Variants in USP51 observed in about 807,000 individuals in gnomAD.
The protein encoded by USP51 is ubiquitin carboxyl-terminal hydrolase 51.
In USP51, 5 loss-of-function variants were observed where a neutral mutation model predicts 17.6. The observed-to-expected ratio is 0.28, with a 90% CI of 0.15 to 0.60. The LOEUF is 0.60. USP51 is among the 20% of genes least tolerant of loss of function. USP51 has a pLI of 0.88. For synonymous variants in USP51, 248 were observed against 216.1 expected, an observed-to-expected ratio of 1.15 and a Z score of -1.29; for missense variants, 459 against 559.5, an observed-to-expected ratio of 0.82 and a Z score of 1.81.
chrX:55,488,718 C>T lies in USP51; in HGVS notation c.222G>A (p.Trp74Ter). 1 of 1,204,098 alleles carries T rather than the reference C, an allele frequency of 8.3e-7. No individual in the cohort carries two copies. The highest frequency in any genetic ancestry group is 1.1e-6 in the Non-Finnish European group (1 of 895,404). Residue 74 changes from tryptophan to a stop codon, truncating the protein, a stop_gained, in exon 3 of 3, where the codon TGG becomes TGA. Coordinates refer to ENST00000500968, the MANE Select transcript of USP51 (RefSeq NM_201286.4). LOFTEE classifies it low-confidence loss of function (END_TRUNC). ...CCTTCTCGTCGCCGCCGCTGCTGCT[C>T]CACGTCAAGTTCTCCTCCGGCGCGG... ...REPAPEENLT[W>*]SSSGGDEKVL...
Position 55,489,214 on chromosome X carries a change from G to C in USP51, c.-95C>G. ...TCATGCCAGGGGACTGGGAACAGAA[G>C]GCTAGCGAGCGGTGGGGGTGGGGAA... is the stretch of plus-strand genomic sequence containing the variant. On this transcript the variant is annotated 5_prime_UTR_variant, in exon 2 of 3. Coordinates refer to ENST00000500968, the MANE Select transcript of USP51 (RefSeq NM_201286.4). 1 of 349,652 alleles carries C rather than the reference G, an allele frequency of 2.9e-6. No individual in the cohort carries two copies. Among genetic ancestry groups the C allele is most frequent in the Non-Finnish European group, 4.9e-6 (1 of 203,002 alleles). The allele number at this position is 349,652 out of a possible 1,213,427, so 28.8% of individuals were successfully genotyped here.
chrX:55,485,723 A>G lies in USP51; in HGVS notation c.*1081T>C, dbSNP rs896649983. 2.7e-5 allele frequency: 3 copies of G among 110,906 alleles called. No homozygotes were observed. The highest frequency in any genetic ancestry group is 5.7e-5 in the Non-Finnish European group (3 of 52,800). The allele number at this position is 110,906 out of a possible 1,213,427, so 9.1% of individuals were successfully genotyped here. A position where few individuals can be genotyped will look rare whatever the true frequency, so the allele number is the denominator to read the frequency against. ...ACTGTTTTTCTTTTTAAAAGCTTAA[A>G]TTTTTAAATCTTTATTTAAATATTT... On this transcript the variant is annotated 3_prime_UTR_variant, in exon 3 of 3. Coordinates refer to ENST00000500968, the MANE Select transcript of USP51 (RefSeq NM_201286.4).
rs755945633 is a variant in USP51, at chrX:55,488,851, G to T, written c.89C>A (p.Ala30Glu). The change falls in exon 3 of 3, where the codon GCG becomes GAG. Residue 30 changes from alanine to glutamate, a missense_variant. Ala to Glu is a moderately radical substitution (Grantham distance 107). Transcript: ENST00000500968. Reference sequence around the variant, plus strand: ...CTCCATTTTCCCCGCCTTCTCAACCGCCTCCTCAGGAGAGGCTCCTCCCCC... The same window carrying T: ...CTCCATTTTCCCCGCCTTCTCAACCTCCTCCTCAGGAGAGGCTCCTCCCCC... The part of the protein sequence containing the change: ...GGGGGASPEE[A>E]VEKAGKMEEA... The T allele has an allele frequency of 1.7e-6, 2 of 1,210,433 alleles. No individual in the cohort carries two copies. Among genetic ancestry groups the T allele is most frequent in the Non-Finnish European group, 2.2e-6 (2 of 895,088 alleles).
chrX:55,484,932 G>A lies in USP51; in HGVS notation c.*1872C>T, dbSNP rs2031292370. On this transcript the variant is annotated 3_prime_UTR_variant, in exon 3 of 3. Transcript: ENST00000500968. ...AGTCAAAGAAGGAGCCCTGCAGGCT[G>A]GGGCTCAGAGATGTAGGTAAGGCCA... 8.9e-6 allele frequency: 1 copy of A among 111,844 alleles called. No individual in the cohort carries two copies. The highest frequency in any genetic ancestry group is 3.3e-5 in the African/African-American group (1 of 30,709). 9.2% of individuals were successfully genotyped at this position (111,844 alleles called of 1,213,427 possible).
intron 1 of USP51, among the ~76,000 whole-genome samples, 145 bp from the exon 2 acceptor site, chrX:55,489,510 G>A (rs1028921708): frequency 8.9e-6 from 1 of 112,364 alleles, no homozygotes; most frequent in Non-Finnish European, 1.9e-5. Flanking sequence ...CTAAGCCGTT[G>A]CCCCTCAGCG....
rs751362686 is a variant in USP51 at position 55,487,689 on chromosome X, A to C, written c.1251T>G (p.Ala417=). Residue 417 remains alanine (A), a synonymous_variant, in exon 3 of 3, where the codon GCT becomes GCG. Transcript: ENST00000500968. Reference sequence around the variant, plus strand: ...GAGGAGTTCGGCTCCCAGAGTACATAGCATGAAAAAGCGAAGACATTTCAC... The same window carrying C: ...GAGGAGTTCGGCTCCCAGAGTACATCGCATGAAAAAGCGAAGACATTTCAC... ...LVCEMSSLFH[A]MYSGSRTPHI... is the part of the protein sequence containing the mutation. 23 of 1,210,624 alleles carry C rather than the reference A, an allele frequency of 1.9e-5. No homozygotes were observed.
intron 1 of USP51, among the ~76,000 whole-genome samples, 82 bp downstream of exon 1, chrX:55,489,694 C>T (rs1370693505): frequency 3.6e-5 from 4 of 111,963 alleles, no homozygotes; most frequent in Non-Finnish European, 7.5e-5. Context: ...CCTCGCGCGA[C>T]CCCCGAAGTC....
Position 55,488,337 on chromosome X carries a change from A to G in USP51, c.603T>C (p.Phe201=). Residue 201 remains phenylalanine, a synonymous_variant, in exon 3 of 3, where the codon TTT becomes TTC. Transcript: ENST00000500968. ...GPTGCSHVES[F]KVGKNWQKNL... ...TCTTCTGCCAGTTCTTACCTACTTT[A>G]AAGCTCTCCACATGAGAGCAGCCTG... The G allele has an allele frequency of 8.3e-7, 1 of 1,211,678 alleles. No homozygotes were observed. Among genetic ancestry groups the G allele is most frequent in the Non-Finnish European group, 1.1e-6 (1 of 895,357 alleles).
chrX:55,489,209 CAG>C lies in USP51; in HGVS notation c.-92_-91del. On this transcript the variant is annotated 5_prime_UTR_variant, in exon 2 of 3. Coordinates refer to ENST00000500968, the MANE Select transcript of USP51 (RefSeq NM_201286.4). ...TCAGATCATGCCAGGGGACTGGGAA[CAG>C]AAGGCTAGCGAGCGGTGGGGGTGGG... 1 of 355,888 alleles carries C rather than the reference CAG, an allele frequency of 2.8e-6. No individual in the cohort carries two copies. 29.3% of individuals were successfully genotyped at this position (355,888 alleles called of 1,213,427 possible). A position where few individuals can be genotyped will look rare whatever the true frequency, so the allele number is the denominator to read the frequency against.
chrX:55,486,675 G>A lies in USP51; in HGVS notation c.*129C>T. 1.1e-6 allele frequency: 1 copy of A among 942,547 alleles called. No individual in the cohort carries two copies. The highest frequency in any genetic ancestry group is 4.0e-4 in the Middle Eastern group (1 of 2,487). The allele number at this position is 942,547 out of a possible 1,213,427, so 77.7% of individuals were successfully genotyped here. Reference sequence around the variant, plus strand: ...AGACCCATGGGCCATGCTAAAATAGGTTCTTTATATCAAGATACTAGCTGT... The same window carrying A: ...AGACCCATGGGCCATGCTAAAATAGATTCTTTATATCAAGATACTAGCTGT... On this transcript the variant is annotated 3_prime_UTR_variant, in exon 3 of 3. Transcript: ENST00000500968.
At position 55,487,932 on chromosome X, in the gene USP51, A is replaced by C. The variant is rs1003946186; in HGVS notation, c.1008T>G (p.Cys336Trp). The C allele has an allele frequency of 4.2e-6, 5 of 1,187,815 alleles. No homozygotes were observed. In the African/African-American group the frequency reaches 5.3e-5, roughly 13 times the overall value. Residue 336 changes from cysteine (C) to tryptophan (W), a missense_variant, in exon 3 of 3, where the codon TGT becomes TGG. This residue lies in a region of USP51 where 227 missense variants were observed against 365.5 expected (regional missense o/e 0.62). Coordinates refer to ENST00000500968, the MANE Select transcript of USP51 (RefSeq NM_201286.4). ...ATTTTGGCTCCTGTTCCTTTGTCTC[A>C]CAGGTTGATTGCTTGTCTTCAAACC... ...TSGFEDKQST[C>W]ETKEQEPKLV...
In USP51 at chrX:55,488,526, G is replaced by GGGCGGGGGT. The variant is rs2031362708; in HGVS notation, c.405_413dup (p.Pro138_Pro140dup). The GGGCGGGGGT allele has an allele frequency of 1.9e-6, 2 of 1,048,845 alleles. No individual in the cohort carries two copies. Among genetic ancestry groups the GGGCGGGGGT allele is most frequent in the African/African-American group, 4.0e-5 (2 of 49,999 alleles). 86.4% of individuals were successfully genotyped at this position (1,048,845 alleles called of 1,213,427 possible). On this transcript the variant is annotated inframe_insertion, in exon 3 of 3. Transcript: ENST00000500968. Reference sequence around the variant, plus strand: ...AGGCCCTGGGCCGCGGTGCGGGTGGGGGCGGGGGTGGCGGCGGGGGCGGGG... The same window carrying GGGCGGGGGT: ...AGGCCCTGGGCCGCGGTGCGGGTGGGGGCGGGGGTGGCGGGGGTGGCGGCGGGGGCGGGG...
rs202003178 is a variant in USP51, at chrX:55,488,906, C to T, written c.34G>A (p.Gly12Ser). Residue 12 changes from glycine (G) to serine (S), a missense_variant, in exon 3 of 3, where the codon GGC becomes AGC. Transcript: ENST00000500968. Reference protein sequence around the residue: ...AQVRETSLPSGSGVRWISGGG... With the variant: ...AQVRETSLPSSSGVRWISGGG... The stretch of plus-strand genomic sequence containing the variant: ...CCGGAGATCCAGCGGACCCCAGAGC[C>T]GGAGGGCAAAGAAGTTTCTCGAACC... 8 of 1,207,990 alleles carry T rather than the reference C, an allele frequency of 6.6e-6. No homozygotes were observed. In the Admixed American group the frequency reaches 1.3e-4, roughly 20 times the overall value.
Position 55,488,791 on chromosome X carries a change from C to G in USP51, c.149G>C (p.Arg50Thr). 8.3e-7 allele frequency: 1 copy of G among 1,210,728 alleles called. No homozygotes were observed. The highest frequency in any genetic ancestry group is 1.8e-5 in the South Asian group (1 of 57,006). The part of the protein sequence containing the change: ...AAAGATKASS[R>T]REAEEMKLEP... ...CAGCTTCATCTCCTCGGCTTCACGT[C>G]TCGAAGACGCCTTCGTAGCCCCCGC... Residue 50 changes from arginine to threonine, a missense_variant, in exon 3 of 3, where the codon AGA becomes ACA. By Grantham distance (71) the Arg-to-Thr change is moderately conservative. This residue lies in a region of USP51 where 232 missense variants were observed against 194.0 expected (regional missense o/e 1.20). Coordinates refer to ENST00000500968, the MANE Select transcript of USP51 (RefSeq NM_201286.4).
chrX:55,488,693 C>T lies in USP51; in HGVS notation c.247G>A (p.Val83Met). The T allele has an allele frequency of 8.3e-7, 1 of 1,200,197 alleles. No individual in the cohort carries two copies. The highest frequency in any genetic ancestry group is 1.1e-6 in the Non-Finnish European group (1 of 894,833). ...TWSSSGGDEKVLPSIPLRCHS... is the reference protein window; with the variant it reads ...TWSSSGGDEKMLPSIPLRCHS... ...CAGCGAAGGGGGATTGAAGGGAGCA[C>T]CTTCTCGTCGCCGCCGCTGCTGCTC... Residue 83 changes from valine (V) to methionine (M), a missense_variant, in exon 3 of 3, where the codon GTG becomes ATG. Coordinates refer to ENST00000500968, the MANE Select transcript of USP51 (RefSeq NM_201286.4).
In USP51 at chrX:55,487,184, TC is replaced by T. The variant is rs2031331414; in HGVS notation, c.1755del (p.Met585IlefsTer18). On this transcript the variant is annotated frameshift_variant, in exon 3 of 3. Coordinates refer to ENST00000500968, the MANE Select transcript of USP51 (RefSeq NM_201286.4). LOFTEE classifies it high-confidence loss of function. ...AAACAAGCCACAATGGGTAATTTTT[TC>T]ATTGTGAGCTGTTTAGTAGACTCCT... ...SYQESTKQLT[M>X]KKLPIVACFH... The T allele has an allele frequency of 8.3e-7, 1 of 1,210,309 alleles. No individual in the cohort carries two copies. Among genetic ancestry groups the T allele is most frequent in the Admixed American group, 2.2e-5 (1 of 45,811 alleles).
Position 55,487,451 on chromosome X carries a change from T to A in USP51, c.1489A>T (p.Thr497Ser). 1.7e-6 allele frequency: 2 copies of A among 1,211,964 alleles called. No homozygotes were observed. Among genetic ancestry groups the A allele is most frequent in the Non-Finnish European group, 2.2e-6 (2 of 895,574 alleles). Reference sequence around the variant, plus strand: ...GAAACACTATGGCAGGCTTGACATGTGACATCTGATTGCAGGCCACCTGTA... The same window carrying A: ...GAAACACTATGGCAGGCTTGACATGAGACATCTGATTGCAGGCCACCTGTA... Reference protein sequence around the residue: ...IFTGGLQSDVTCQACHSVSTT... With the variant: ...IFTGGLQSDVSCQACHSVSTT... Residue 497 changes from threonine (T) to serine (S), a missense_variant, in exon 3 of 3, where the codon ACA becomes TCA. Thr to Ser is a moderately conservative substitution (Grantham distance 58, BLOSUM62 1). This residue lies in a region of USP51 where 227 missense variants were observed against 365.5 expected (regional missense o/e 0.62). Coordinates refer to ENST00000500968, the MANE Select transcript of USP51 (RefSeq NM_201286.4).
rs2031318826 is a variant in USP51 at position 55,486,421 on chromosome X, C to G, written c.*383G>C. 7.7e-6 allele frequency: 1 copy of G among 130,374 alleles called. No homozygotes were observed. The highest frequency in any genetic ancestry group is 8.9e-5 in the Admixed American group (1 of 11,225). The allele number at this position is 130,374 out of a possible 1,213,427, so 10.7% of individuals were successfully genotyped here. ...TAGCTGGTCAGCCACAGCTGGAACA[C>G]CAATTGTGAAGTTTTTGCTGATAAA... is the stretch of plus-strand genomic sequence containing the variant. On this transcript the variant is annotated 3_prime_UTR_variant, in exon 3 of 3. Coordinates refer to ENST00000500968, the MANE Select transcript of USP51 (RefSeq NM_201286.4).
Position 55,486,327 on chromosome X carries a change from T to C in USP51, c.*477A>G, listed in dbSNP as rs2031317288. 8.9e-6 allele frequency: 1 copy of C among 112,882 alleles called. No homozygotes were observed. Among genetic ancestry groups the C allele is most frequent in the African/African-American group, 3.2e-5 (1 of 31,085 alleles). 9.3% of individuals were successfully genotyped at this position (112,882 alleles called of 1,213,427 possible). A position where few individuals can be genotyped will look rare whatever the true frequency, so the allele number is the denominator to read the frequency against. On this transcript the variant is annotated 3_prime_UTR_variant, in exon 3 of 3. Transcript: ENST00000500968. ...TAAAATCTTAAAAATGATTTTTTCC[T>C]TTTTAAATGTTTTTCTTTTAAAGCT...
Sources: allele counts gnomAD v4.1 joint callset (sites outside exome capture counted in the v4.1 genomes callset), GRCh38; gene constraint gnomAD v4.1.1; regional missense constraint gnomAD v4.1.1; transcripts MANE v1.5; gene names NCBI Gene and HGNC (gene_info 2026-07-23, HGNC 2026-07-21).